The following F8 variants were observed in gnomAD, a reference collection of about 807,000 sequenced individuals.
F8 encodes coagulation factor VIII, also known as antihemophilic factor.
F8 carries 12 observed loss-of-function variants against 140.6 expected under a neutral mutation model. The observed-to-expected ratio is 0.09, with a 90% CI of 0.05 to 0.14. The LOEUF is 0.14. Among genes scored for constraint, F8 ranks in the 10% least tolerant of loss-of-function variants. F8 has a pLI of 1.00. For missense variants in F8, 1,354 were observed against 1,720.7 expected (o/e 0.79, Z 3.77); for synonymous variants, 585 against 614.6 (o/e 0.95, Z 0.71).
chrX:154,910,588 C>T (rs2073061074), intron 14 of F8, among the ~76,000 whole-genome samples: 1 of 112,225 alleles, frequency 8.9e-6, no homozygotes, highest in Non-Finnish European at 1.9e-5. Flanking sequence ...AAGTCATCAC[C>T]ATTCTCTAAT....
intron 1 of F8, among the ~76,000 whole-genome samples, chrX:155,020,509 T>G (rs1284820718): frequency 1.8e-5 from 2 of 112,327 alleles, no homozygotes; most frequent in African/African-American, 6.5e-5. Flanking sequence ...AAAGAAAAGA[T>G]ATCTCTGATT....
intron 3 of F8, among the ~76,000 whole-genome samples, chrX:154,994,246 T>C (rs2073604967): frequency 8.9e-6 from 1 of 112,566 alleles, no homozygotes; most frequent in African/African-American, 3.2e-5. Context: ...ACACTTTTTA[T>C]GATGATGCAT....
intron 2 of F8, among the ~76,000 whole-genome samples, chrX:154,998,771 C>T (rs1261013235): frequency 4.5e-5 from 5 of 111,952 alleles, no homozygotes; most frequent in Non-Finnish European, 9.4e-5. Flanking sequence ...AATGGTAGTG[C>T]AGTTAGCTCC....
rs1391223069 is a variant in F8, at chrX:154,982,005, GA to G, written c.787+2681del. Among the ~76,000 whole-genome samples the G allele has an allele frequency of 3.6e-5, 4 of 110,476 alleles. No homozygotes were observed. In the East Asian group the frequency reaches 8.5e-4, roughly 24 times the overall value. ...TCAAGACCGGCCTGGCAAACATGGTGAAACCCCATCTCTACTAAAACTACAA... is the reference window on the plus strand; with the variant it reads ...TCAAGACCGGCCTGGCAAACATGGTGAACCCCATCTCTACTAAAACTACAA... On this transcript the variant is annotated intron_variant, in intron 6 of 25. Transcript: ENST00000360256.
intron 6 of F8, among the ~76,000 whole-genome samples, chrX:154,978,709 GTAA>G (rs201280173): frequency 0.044 from 4,932 of 110,913 alleles, 159 homozygotes; most frequent in Non-Finnish European, 0.072. Flanking sequence ...CACATCTGGT[GTAA>G]TAATCACTTT....
chrX:154,851,056 A>G (rs1603431296), intron 25 of F8, among the ~76,000 whole-genome samples: 1 of 112,302 alleles, frequency 8.9e-6, no homozygotes, highest in African/African-American at 3.2e-5. Flanking sequence ...AAGCCACTCC[A>G]CATTCACTCC....
At chrX:154,846,098 C>T (rs1235691889) in intron 25 of F8, among the ~76,000 whole-genome samples, 24 of 112,179 alleles carry the variant, frequency 2.1e-4, no homozygotes, top group Middle Eastern at 4.6e-3. Flanking sequence ...TGTAGTTGAG[C>T]GGTTTTGAAT....
chrX:154,897,123 C>T (rs2072986350), intron 21 of F8, among the ~76,000 whole-genome samples: 1 of 112,337 alleles, frequency 8.9e-6, no homozygotes, highest in African/African-American at 3.2e-5. Context: ...ATAGCAAATG[C>T]TTTGGAATGA....
At chrX:155,010,626 T>C (rs2073702120) in intron 1 of F8, among the ~76,000 whole-genome samples, 1 of 111,348 alleles carries the variant, frequency 9.0e-6, no homozygotes, top group Non-Finnish European at 1.9e-5. Context: ...AATGATGTAT[T>C]CCATTCAATT....
Position 154,869,611 on chromosome X carries a change from C to T in F8, c.6430-6384G>A, listed in dbSNP as rs149001862. ...GAAAGCAAGAAAAATTGAAAATTGA[C>T]ACCCTAACATCAAAATTAAAGAATT... On this transcript the variant is annotated intron_variant, in intron 22 of 25. Transcript: ENST00000360256. Among the ~76,000 whole-genome samples, 46 of 111,407 alleles carry T rather than the reference C, an allele frequency of 4.1e-4. No homozygotes were observed. In the East Asian group the frequency reaches 0.011, roughly 27 times the overall value.
intron 25 of F8, among the ~76,000 whole-genome samples, chrX:154,854,036 C>A (rs1360010177): frequency 9.0e-6 from 1 of 111,696 alleles, no homozygotes; most frequent in East Asian, 2.8e-4. Context: ...TTTTTCATCA[C>A]CCCAAACAGA....
chrX:154,920,169 T>C (rs1178739626), intron 14 of F8: 4 of 121,883 alleles, frequency 3.3e-5, no homozygotes, highest in African/African-American at 1.3e-4. Flanking sequence ...AAAGAAGCAG[T>C]GGACTTTGGT....
At chrX:154,944,487 T>C (rs1167330975) in intron 13 of F8, among the ~76,000 whole-genome samples, 2 of 111,267 alleles carry the variant, frequency 1.8e-5, no homozygotes, top group African/African-American at 6.6e-5. Context: ...CTCACACCAG[T>C]TAGAATGGCG....
chrX:154,908,959 G>A (rs2073051362), intron 14 of F8: 1 of 143,654 alleles, frequency 7.0e-6, no homozygotes, highest in Non-Finnish European at 1.4e-5. Context: ...AATGTGAGCT[G>A]TGTGACAATC....
Position 155,008,956 on chromosome X carries a change from C to T in F8, c.144-9356G>A, listed in dbSNP as rs146072006. ...GGCTGTCCTGGAGCCTACCCGGCAG[C>T]GCGCTTCTCCCTCTGCCTATCCCTG... On this transcript the variant is annotated intron_variant, in intron 1 of 25. Transcript: ENST00000360256. Among the ~76,000 whole-genome samples, 860 of 111,695 alleles carry T rather than the reference C, an allele frequency of 7.7e-3. 11 individuals are homozygous for T. The highest frequency in any genetic ancestry group is 0.026 in the African/African-American group (782 of 30,627).
At chrX:154,956,040 CT>C (rs1808865301) in intron 11 of F8, among the ~76,000 whole-genome samples, 1 of 111,806 alleles carries the variant, frequency 8.9e-6, no homozygotes, top group Non-Finnish European at 1.9e-5. Context: ...AGGCCTCCCC[CT>C]GGGAATGCAT....
chrX:154,955,377 T>C (rs782100703), intron 11 of F8, among the ~76,000 whole-genome samples: 1 of 98,352 alleles, frequency 1.0e-5, no homozygotes, highest in East Asian at 3.1e-4. Context: ...CAGGATGGTC[T>C]TGAAATCCTG....
At chrX:154,865,248 G>A (rs2072723177) in intron 22 of F8, among the ~76,000 whole-genome samples, 1 of 110,687 alleles carries the variant, frequency 9.0e-6, no homozygotes, top group Non-Finnish European at 1.9e-5. Context: ...TGTCCTTTAA[G>A]AATGAACACA....
chrX:154,922,523 AAT>A (rs2073137600), intron 14 of F8, among the ~76,000 whole-genome samples: 1 of 112,412 alleles, frequency 8.9e-6, no homozygotes, highest in Non-Finnish European at 1.9e-5. Context: ...TAAAGAAATA[AAT>A]ATATAATATT....
Sources: allele counts gnomAD v4.1 joint callset (sites outside exome capture counted in the v4.1 genomes callset), GRCh38; gene constraint gnomAD v4.1.1; transcripts MANE v1.5; gene names NCBI Gene and HGNC (gene_info 2026-07-23, HGNC 2026-07-21).